PTPN3: variants seen among roughly 807,000 people sequenced by gnomAD.
PTPN3 encodes the protein protein tyrosine phosphatase non-receptor type 3.
A neutral mutation model predicts 132.7 loss-of-function variants in PTPN3; 96 were observed. The ratio of observed to expected loss-of-function variants is 0.72; its 90% CI spans 0.61 to 0.86. The LOEUF is 0.86. Ranked by LOEUF, PTPN3 falls within the 40% of genes least tolerant of loss-of-function variation. The pLI, the probability that PTPN3 is intolerant of heterozygous loss-of-function variation, is 0.00. For synonymous variants in PTPN3, 398 were observed against 429.0 expected (o/e 0.93, Z 0.89); for missense variants, 1,125 against 1,159.6 (o/e 0.97, Z 0.43).
chr9:109,527,513 CTTATAG>C, the PTPN3 span, among the ~76,000 whole-genome samples: 3 of 152,012 alleles, frequency 2.0e-5, no homozygotes, highest in African/African-American at 7.2e-5. Context: ...TGAATAACTT[CTTATAG>C]TTAAATAGAA....
intron 13 of PTPN3, among the ~76,000 whole-genome samples, chr9:109,420,990 A>G (rs1417224579): frequency 1.3e-5 from 2 of 152,252 alleles, no homozygotes; most frequent in Admixed American, 1.3e-4. Flanking sequence ...GAACAATGCA[A>G]ACAAAAGGGT....
At chr9:109,415,719 C>T (rs778174830) in intron 14 of PTPN3, among the ~76,000 whole-genome samples, 7 of 152,034 alleles carry the variant, frequency 4.6e-5, no homozygotes, top group South Asian at 2.1e-4. Flanking sequence ...AGAATCAACA[C>T]GATGAGAAAT....
intron 1 of PTPN3, among the ~76,000 whole-genome samples, chr9:109,486,893 T>C (rs985864780): frequency 6.6e-6 from 1 of 152,170 alleles, no homozygotes; most frequent in Non-Finnish European, 1.5e-5. Flanking sequence ...TGCTCTGCAC[T>C]TCTCCTTGCT....
At chr9:109,380,344 C>G (rs57436523) in intron 25 of PTPN3, among the ~76,000 whole-genome samples, 5,300 of 152,212 alleles carry the variant, frequency 0.035, 145 homozygotes, top group East Asian at 0.15. Context: ...CAACCTCCAC[C>G]TCCTGGGTTC....
chr9:109,504,543 A>G, the PTPN3 span, among the ~76,000 whole-genome samples: 15 of 152,232 alleles, frequency 9.9e-5, no homozygotes, highest in African/African-American at 3.6e-4. Context: ...TTTTAATATT[A>G]TCATAGAGAT....
chr9:109,511,823 A>G, the PTPN3 span, among the ~76,000 whole-genome samples: 1 of 152,228 alleles, frequency 6.6e-6, no homozygotes, highest in African/African-American at 2.4e-5. Context: ...TTATTTTAAG[A>G]TAGTGGTTCT....
At chr9:109,499,584 A>G (rs1346750640), upstream of PTPN3, among the ~76,000 whole-genome samples, 6 of 152,298 alleles carry the variant, frequency 3.9e-5, no homozygotes, top group East Asian at 9.6e-4. Flanking sequence ...TCTGGCACAC[A>G]CTAGGCGCTC....
At chr9:109,386,047 C>T (rs1347269710) in intron 22 of PTPN3, among the ~76,000 whole-genome samples, 1 of 152,162 alleles carries the variant, frequency 6.6e-6, no homozygotes, top group African/African-American at 2.4e-5. Flanking sequence ...TGGGTGAACA[C>T]AAATGGGACA....
At chr9:109,522,527 T>C in the PTPN3 span, among the ~76,000 whole-genome samples, 4 of 152,224 alleles carry the variant, frequency 2.6e-5, no homozygotes, top group Non-Finnish European at 4.4e-5. Flanking sequence ...CAAATATTTT[T>C]ATAAATGTAT....
intron 20 of PTPN3, 92 bp from the exon 21 acceptor site, chr9:109,391,291 C>A (rs1465032057): frequency 3.7e-6 from 5 of 1,339,810 alleles, no homozygotes; most frequent in Non-Finnish European, 5.2e-6. Context: ...CCATCTGCAG[C>A]TCTGCCTCAT....
At chr9:109,428,580 C>T (rs373032006) in intron 11 of PTPN3, 41 bp downstream of exon 11, 4 of 1,593,288 alleles carry the variant, frequency 2.5e-6, no homozygotes, top group Middle Eastern at 1.7e-4. Context: ...CACACACATA[C>T]ATATGCACGA....
At position 109,498,235 on chromosome 9, in the gene PTPN3, C is replaced by G. The variant is rs1231784285; in HGVS notation, c.-34G>C. 1 of 146,480 alleles carries G rather than the reference C, an allele frequency of 6.8e-6. No individual in the cohort carries two copies. 9.1% of individuals were successfully genotyped at this position (146,480 alleles called of 1,614,324 possible). A position where few individuals can be genotyped will look rare whatever the true frequency, so the allele number is the denominator to read the frequency against. On this transcript the variant is annotated 5_prime_UTR_variant, in exon 1 of 26. Coordinates refer to ENST00000374541, the MANE Select transcript of PTPN3 (RefSeq NM_002829.4). This position sits in a 1 kb window ranked among gnomAD's most constrained non-coding sequence, Gnocchi z 4.2. ...GGCCCGTACCTGCAGCATCCGGGGG[C>G]GCGGAGCGCCCAGGTAGGTCGCGCG...
At chr9:109,417,900 G>T in intron 14 of PTPN3, 4 of 560,744 alleles carry the variant, frequency 7.1e-6, no homozygotes, top group Non-Finnish European at 6.8e-6. Context: ...TCAAGGAGGG[G>T]TTTCAAGAAG....
In PTPN3 at chr9:109,428,337, C is replaced by T. The variant is rs573468542; in HGVS notation, c.828+284G>A. ...CTCCAACCAGCTAAGCAGAATTATA[C>T]AGACAATCACTGGATCCTCCAGACT... On this transcript the variant is annotated intron_variant, in intron 11 of 25. Coordinates refer to ENST00000374541, the MANE Select transcript of PTPN3 (RefSeq NM_002829.4). Among the ~76,000 whole-genome samples the T allele has an allele frequency of 6.6e-5, 10 of 152,340 alleles. No individual in the cohort carries two copies. In the South Asian group the frequency reaches 1.9e-3, roughly 28 times the overall value.
chr9:109,533,882 C>G, the PTPN3 span: 1 of 763,060 alleles, frequency 1.3e-6, no homozygotes, highest in Admixed American at 1.9e-5. Context: ...ACCCCTACGA[C>G]GTGGATAGCA....
intron 1 of PTPN3, among the ~76,000 whole-genome samples, chr9:109,465,801 G>C (rs1846076760): frequency 6.6e-6 from 1 of 152,060 alleles, no homozygotes; most frequent in South Asian, 2.1e-4. Context: ...ACAGTGTTGG[G>C]TGGAAGAGCA....
intron 14 of PTPN3, 145 bp from the exon 15 acceptor site, chr9:109,410,560 C>A: frequency 2.2e-6 from 2 of 889,840 alleles, no homozygotes; most frequent in Non-Finnish European, 3.4e-6. Flanking sequence ...GATTTGAGTA[C>A]ACCCAGGGCC....
At chr9:109,396,295 G>A (rs543717768) in intron 19 of PTPN3, among the ~76,000 whole-genome samples, 2 of 152,214 alleles carry the variant, frequency 1.3e-5, no homozygotes, top group Non-Finnish European at 2.9e-5. Context: ...ATGTCTTTCT[G>A]GAAGGGTCAG....
At chr9:109,499,264 G>C (rs535046012), upstream of PTPN3, among the ~76,000 whole-genome samples, 1 of 152,206 alleles carries the variant, frequency 6.6e-6, no homozygotes, top group East Asian at 1.9e-4. Context: ...AATTTTCAGT[G>C]AAGCGGTCGG....
Sources: gnomAD v4.1 joint callset for allele counts (sites outside exome capture counted in the v4.1 genomes callset) on GRCh38, gnomAD v4.1.1 for gene constraint, Gnocchi (gnomAD v3.1) non-coding constraint, MANE v1.5 for transcripts, NCBI Gene and HGNC (gene_info 2026-07-23, HGNC 2026-07-21) for gene names.